The following ARHGAP32 variants were observed in gnomAD, a reference collection of about 807,000 sequenced individuals.
ARHGAP32 encodes the protein rho GTPase-activating protein 32.
In ARHGAP32, 51 loss-of-function variants were observed where a neutral mutation model predicts 186.5. The observed-to-expected ratio is 0.27, with a 90% CI of 0.22 to 0.35. The LOEUF (loss-of-function observed/expected upper bound fraction) is 0.35, where lower values mean the gene tolerates loss of function less well. Ranked by LOEUF, ARHGAP32 falls within the 10% of genes least tolerant of loss-of-function variation. The pLI, the probability that ARHGAP32 is intolerant of heterozygous loss-of-function variation, is 1.00. For synonymous variants in ARHGAP32, 950 were observed against 964.3 expected (o/e 0.99, Z 0.27); for missense variants, 2,186 against 2,623.5 (o/e 0.83, Z 3.64).
At chr11:129,126,352 C>G (rs1399850271) in intron 2 of ARHGAP32, among the ~76,000 whole-genome samples, 1 of 152,112 alleles carries the variant, frequency 6.6e-6, no homozygotes, top group Admixed American at 6.5e-5. Flanking sequence ...AGGTAAAGTT[C>G]GCAAACCCCT....
At chr11:129,142,957 C>A (rs929404611) in intron 2 of ARHGAP32, among the ~76,000 whole-genome samples, 1 of 150,400 alleles carries the variant, frequency 6.6e-6, no homozygotes, top group Admixed American at 6.6e-5. Flanking sequence ...ATAAATATTT[C>A]TTGAAATGGT....
rs149008751 is a variant in ARHGAP32, at chr11:129,226,662, C to T, written c.-5+52484G>A. On this transcript the variant is annotated intron_variant, in intron 1 of 6. Transcript: ENST00000525234. ...GTAAATCCTATCTTATCAGTCATTA[C>T]GTTAAATGTACATGGATAAATATTC... Among the ~76,000 whole-genome samples, 730 of 152,104 alleles carry T rather than the reference C, an allele frequency of 4.8e-3. 1 individual carries two copies. The highest frequency in any genetic ancestry group is 0.017 in the Middle Eastern group (5 of 294).
chr11:129,255,394 T>C (rs1303790284), intron 1 of ARHGAP32, among the ~76,000 whole-genome samples: 1 of 151,802 alleles, frequency 6.6e-6, no homozygotes, highest in African/African-American at 2.4e-5. Flanking sequence ...ACAGAAAAAA[T>C]GCAGATCTAA....
chr11:129,172,678 C>T (rs985441119), intron 1 of ARHGAP32, among the ~76,000 whole-genome samples: 2 of 152,156 alleles, frequency 1.3e-5, no homozygotes, highest in Non-Finnish European at 2.9e-5. Flanking sequence ...ATTGAACAAC[C>T]TGCTCCTGAA....
At chr11:129,243,781 A>G (rs1001906085) in intron 1 of ARHGAP32, among the ~76,000 whole-genome samples, 13 of 152,098 alleles carry the variant, frequency 8.5e-5, no homozygotes, top group African/African-American at 3.1e-4. Flanking sequence ...TACCTCTCAG[A>G]ATTCTACCAT....
At chr11:129,065,949 G>A (rs1940673577) in intron 7 of ARHGAP32, among the ~76,000 whole-genome samples, 1 of 152,010 alleles carries the variant, frequency 6.6e-6, no homozygotes, top group African/African-American at 2.4e-5. Flanking sequence ...CATTCTGTAT[G>A]GAGTCCAGTT....
At chr11:129,172,964 T>C (rs1305433008) in intron 1 of ARHGAP32, among the ~76,000 whole-genome samples, 10 of 81,354 alleles carry the variant, frequency 1.2e-4, no homozygotes, top group East Asian at 3.6e-4. Context: ...ATGAAGGAGA[T>C]AGAGACATGA....
intron 11 of ARHGAP32, among the ~76,000 whole-genome samples, chr11:129,031,253 AAC>A (rs1283464209): frequency 2.6e-5 from 4 of 152,214 alleles, no homozygotes; most frequent in African/African-American, 9.6e-5. Context: ...ATAGTAAATA[AAC>A]ACAAATCAAT....
intron 1 of ARHGAP32, among the ~76,000 whole-genome samples, chr11:129,220,727 C>T (rs1472023431): frequency 1.3e-5 from 2 of 152,170 alleles, no homozygotes; most frequent in African/African-American, 4.8e-5. Flanking sequence ...CAGAAAGCCG[C>T]ACTGTTTAAG....
intron 2 of ARHGAP32, among the ~76,000 whole-genome samples, chr11:129,135,405 G>A (rs1942913991): frequency 6.6e-6 from 1 of 152,126 alleles, no homozygotes; most frequent in South Asian, 2.1e-4. Context: ...AGGCACCACC[G>A]CAATTAAGTC....
In ARHGAP32 at chr11:129,062,393, G is replaced by A. The variant is rs1224999351; in HGVS notation, c.886-36C>T. 6 of 1,566,472 alleles carry A rather than the reference G, an allele frequency of 3.8e-6. No homozygotes were observed. In the South Asian group the frequency reaches 6.7e-5, roughly 17 times the overall value. ...CAAAATTTTAAGCAAAATGGTTTTAGTTAAATTTTAAACCAATTGTTATAC... is the reference window on the plus strand; with the variant it reads ...CAAAATTTTAAGCAAAATGGTTTTAATTAAATTTTAAACCAATTGTTATAC... On this transcript the variant is annotated intron_variant, in intron 9 of 22. Coordinates refer to ENST00000682385, the MANE Select transcript of ARHGAP32 (RefSeq NM_001378024.1).
upstream of ARHGAP32, among the ~76,000 whole-genome samples, chr11:129,193,604 A>ATATAT (rs1944329429): frequency 1.3e-5 from 1 of 74,440 alleles, no homozygotes; most frequent in Non-Finnish European, 2.5e-5. Context: ...GTTATATATA[A>ATATAT]TATATAATAT....
chr11:129,086,669 A>G (rs1178523525), intron 6 of ARHGAP32, among the ~76,000 whole-genome samples: 1 of 152,016 alleles, frequency 6.6e-6, no homozygotes, highest in Non-Finnish European at 1.5e-5. Context: ...AAAATACAAA[A>G]AATTAGCCGG....
At chr11:129,074,184 C>G (rs1940963542) in intron 6 of ARHGAP32, among the ~76,000 whole-genome samples, 2 of 152,122 alleles carry the variant, frequency 1.3e-5, no homozygotes, top group Admixed American at 1.3e-4. Flanking sequence ...ATGTAAAATA[C>G]AACTTTGGTT....
At chr11:129,103,041 G>A (rs1199281991) in intron 5 of ARHGAP32, among the ~76,000 whole-genome samples, 1 of 152,028 alleles carries the variant, frequency 6.6e-6, no homozygotes, top group Non-Finnish European at 1.5e-5. Context: ...ATACAAACAG[G>A]CAAAATGAAA....
chr11:128,970,542 G>A lies in ARHGAP32; in HGVS notation c.4671C>T (p.Asn1557=), dbSNP rs138649304. ...ATGGCTTGGAGTGGTGTCCAGATGCGTTTCTTCCTGGGGCCACATATGTGT... is the reference window on the plus strand; with the variant it reads ...ATGGCTTGGAGTGGTGTCCAGATGCATTTCTTCCTGGGGCCACATATGTGT... ...RYNTYVAPGR[N]ASGHHSKPCS... Residue 1557 remains asparagine (N), a synonymous_variant, in exon 23 of 23, where the codon AAC becomes AAT. Coordinates refer to ENST00000682385, the MANE Select transcript of ARHGAP32 (RefSeq NM_001378024.1). The surrounding 1 kb of genome is among the most constrained non-coding windows in gnomAD (Gnocchi z 5.8). 2.6e-5 allele frequency: 42 copies of A among 1,614,054 alleles called. No individual in the cohort carries two copies. The South Asian group carries it at 3.6e-4, about 14-fold the overall frequency.
intron 6 of ARHGAP32, among the ~76,000 whole-genome samples, chr11:129,082,891 C>T (rs1350574478): frequency 6.6e-6 from 1 of 151,442 alleles, no homozygotes; most frequent in Non-Finnish European, 1.5e-5. Flanking sequence ...AAAACAACAA[C>T]AACAACAACA....
chr11:129,258,338 T>C (rs949842510), intron 1 of ARHGAP32, among the ~76,000 whole-genome samples: 5 of 152,198 alleles, frequency 3.3e-5, no homozygotes, highest in South Asian at 4.1e-4. Context: ...CATTTAAAGA[T>C]TGTCTCCTCC....
intron 2 of ARHGAP32, among the ~76,000 whole-genome samples, chr11:129,126,832 T>G (rs187293102): frequency 3.0e-4 from 45 of 152,336 alleles, no homozygotes; most frequent in Admixed American, 2.9e-3. Context: ...CTGGATCACC[T>G]GGTTTTGCCA....
Sources: gnomAD v4.1 joint callset for allele counts (sites outside exome capture counted in the v4.1 genomes callset) on GRCh38, gnomAD v4.1.1 for gene constraint, Gnocchi (gnomAD v3.1) non-coding constraint, MANE v1.5 for transcripts, NCBI Gene and HGNC (gene_info 2026-07-23, HGNC 2026-07-21) for gene names.